Variants in NAALADL2 observed in about 807,000 individuals in gnomAD.
NAALADL2 encodes the protein N-acetylated alpha-linked acidic dipeptidase like 2.
In NAALADL2, 76 loss-of-function variants were observed where a neutral mutation model predicts 87.2. That is an observed-to-expected ratio of 0.87 (90% CI 0.72 to 1.05). The LOEUF (loss-of-function observed/expected upper bound fraction) is 1.05, where lower values mean the gene tolerates loss of function less well. NAALADL2 is among the 50% of genes least tolerant of loss of function. The pLI is 0.00. For missense variants in NAALADL2, 1,089 were observed against 945.8 expected (o/e 1.15, Z -1.99); for synonymous variants, 354 against 331.0 (o/e 1.07, Z -0.75).
chr3:175,177,350 T>TA (rs1735834498), intron 2 of NAALADL2, among the ~76,000 whole-genome samples: 1 of 152,140 alleles, frequency 6.6e-6, no homozygotes, highest in Admixed American at 6.6e-5. Flanking sequence ...TTTTCACACC[T>TA]ATTCTCTATC....
chr3:174,878,735 C>T (rs1728822103), intron 1 of NAALADL2, among the ~76,000 whole-genome samples: 1 of 151,962 alleles, frequency 6.6e-6, no homozygotes, highest in South Asian at 2.1e-4. Context: ...ATAGACCCCA[C>T]CCCTTCTGCT....
In NAALADL2 at chr3:174,996,887, A is replaced by G. The variant is rs77747855; in HGVS notation, c.44-99903A>G. Among the ~76,000 whole-genome samples the G allele has an allele frequency of 9.0e-3, 1,369 of 152,000 alleles. 9 individuals carry two copies. Among genetic ancestry groups the G allele is most frequent in the Admixed American group, 0.016 (245 of 15,248 alleles). ...CCACTGATAAATGAGAACATACAAT[A>G]TTTGGTTTTCCATTCATGAGCTACT... is the stretch of plus-strand genomic sequence containing the variant. On this transcript the variant is annotated intron_variant, in intron 1 of 13. Transcript: ENST00000454872.
rs374958808 is a variant in NAALADL2, at chr3:174,860,396, T to C, written c.43+946T>C. On this transcript the variant is annotated intron_variant, in intron 1 of 13. Transcript: ENST00000454872. ...TATAAAGCATTTTTAATTTAAAAGA[T>C]TAATTTCAAAAGTCATGTAATAAAT... Among the ~76,000 whole-genome samples, 4 of 152,180 alleles carry C rather than the reference T, an allele frequency of 2.6e-5. No individual in the cohort carries two copies. The East Asian group carries it at 5.8e-4, about 22-fold the overall frequency.
intron 2 of NAALADL2, among the ~76,000 whole-genome samples, chr3:175,159,618 A>G (rs542683154): frequency 6.6e-6 from 1 of 152,316 alleles, no homozygotes; most frequent in African/African-American, 2.4e-5. Flanking sequence ...AAAATCTTTT[A>G]TAGGTAGTTC....
At chr3:175,786,214 G>A (rs369229427) in intron 13 of NAALADL2, among the ~76,000 whole-genome samples, 23 of 151,798 alleles carry the variant, frequency 1.5e-4, no homozygotes, top group South Asian at 4.2e-4. Context: ...TCTTTGTGGC[G>A]TTCTCTGTAT....
chr3:175,172,402 T>C (rs1422061084), intron 2 of NAALADL2, among the ~76,000 whole-genome samples: 3 of 152,170 alleles, frequency 2.0e-5, no homozygotes, highest in African/African-American at 4.8e-5. Context: ...AGACAAAATA[T>C]ATACACATTC....
chr3:175,656,332 A>G (rs908490727), intron 11 of NAALADL2, among the ~76,000 whole-genome samples: 1 of 152,202 alleles, frequency 6.6e-6, no homozygotes, highest in Admixed American at 6.5e-5. Context: ...ATTCTATATA[A>G]AATTATCTTT....
At chr3:174,727,799 T>C (rs1024056915) in intron 2 of NAALADL2, among the ~76,000 whole-genome samples, 2 of 152,120 alleles carry the variant, frequency 1.3e-5, no homozygotes, top group African/African-American at 4.8e-5. Context: ...TGAAAAGGTA[T>C]AGTGGCACAT....
chr3:174,772,392 T>C (rs979893549), intron 3 of NAALADL2, among the ~76,000 whole-genome samples: 4 of 152,162 alleles, frequency 2.6e-5, no homozygotes, highest in Admixed American at 1.3e-4. Flanking sequence ...AGGATGTTAA[T>C]TGGTGTGCAG....
intron 8 of NAALADL2, 114 bp from the exon 9 acceptor site, chr3:175,471,525 G>T: frequency 1.6e-6 from 1 of 639,126 alleles, no homozygotes; most frequent in Non-Finnish European, 2.7e-6. Context: ...AGGTAATTAT[G>T]CAATATAATA....
intron 2 of NAALADL2, among the ~76,000 whole-genome samples, chr3:174,584,546 A>T (rs1212456657): frequency 6.6e-6 from 1 of 152,116 alleles, no homozygotes; most frequent in East Asian, 1.9e-4. Flanking sequence ...TGTTGCTTTT[A>T]TGTGAAAATT....
Position 175,361,054 on chromosome 3 carries a change from T to A in NAALADL2, c.1090+36729T>A, listed in dbSNP as rs372948832. Among the ~76,000 whole-genome samples, 7 of 151,738 alleles carry A rather than the reference T, an allele frequency of 4.6e-5. No individual in the cohort carries two copies. In the East Asian group the frequency reaches 9.8e-4, roughly 21 times the overall value. On this transcript the variant is annotated intron_variant, in intron 5 of 13. Transcript: ENST00000454872. ...CCACAACAGGCCCCAGTGTGTGATG[T>A]TCCCCATCCTGTGTCCAAGTGTTCT...
intron 6 of NAALADL2, among the ~76,000 whole-genome samples, chr3:175,457,380 T>A (rs1722470790): frequency 6.6e-6 from 1 of 152,054 alleles, no homozygotes; most frequent in Non-Finnish European, 1.5e-5. Flanking sequence ...TACTTTATAA[T>A]TTTTTTCTTT....
At chr3:175,201,753 T>G (rs1740061668) in intron 2 of NAALADL2, among the ~76,000 whole-genome samples, 1 of 151,710 alleles carries the variant, frequency 6.6e-6, no homozygotes, top group African/African-American at 2.4e-5. Flanking sequence ...ATCATTGCTT[T>G]GCCTAGCTAG....
intron 2 of NAALADL2, among the ~76,000 whole-genome samples, chr3:175,119,849 A>G (rs1434258417): frequency 6.9e-6 from 1 of 144,470 alleles, no homozygotes; most frequent in Non-Finnish European, 1.5e-5. Flanking sequence ...TGACTTATAT[A>G]GCTTATGTAA....
At chr3:174,971,846 T>A (rs1212907148) in intron 1 of NAALADL2, among the ~76,000 whole-genome samples, 17 of 152,078 alleles carry the variant, frequency 1.1e-4, no homozygotes, top group Non-Finnish European at 2.4e-4. Flanking sequence ...TACAGGCACA[T>A]GCCACGACGC....
intron 1 of NAALADL2, among the ~76,000 whole-genome samples, chr3:174,478,673 T>A (rs1399728062): frequency 6.6e-6 from 1 of 152,136 alleles, no homozygotes; most frequent in Non-Finnish European, 1.5e-5. Context: ...ATTTTGATAT[T>A]TTTTACCTAG....
chr3:175,155,014 C>T (rs761276394), intron 2 of NAALADL2, among the ~76,000 whole-genome samples: 2 of 152,132 alleles, frequency 1.3e-5, no homozygotes, highest in Non-Finnish European at 2.9e-5. Context: ...AAAGGATTCC[C>T]TCAGATTTTG....
chr3:175,300,222 C>T (rs923499408), intron 4 of NAALADL2, among the ~76,000 whole-genome samples: 25 of 148,186 alleles, frequency 1.7e-4, no homozygotes, highest in Non-Finnish European at 3.2e-4. Flanking sequence ...CATTGATGTT[C>T]GTCAAGAATA....
Sources: gnomAD v4.1 joint callset for allele counts (sites outside exome capture counted in the v4.1 genomes callset) on GRCh38, gnomAD v4.1.1 for gene constraint, MANE v1.5 for transcripts, NCBI Gene and HGNC (gene_info 2026-07-23, HGNC 2026-07-21) for gene names.